Variants in EYS observed in about 807,000 individuals in gnomAD.
EYS encodes EGF-like photoreceptor maintenance factor.
In EYS, 250 loss-of-function variants were observed where a neutral mutation model predicts 282.1. The observed-to-expected ratio is 0.89, with a 90% confidence interval of 0.80 to 0.98. The LOEUF (loss-of-function observed/expected upper bound fraction) is 0.98. Among genes scored for constraint, EYS ranks in the 50% least tolerant of loss-of-function variants. EYS has a pLI of 0.00. For synonymous variants in EYS, 1,355 were observed against 1,282.9 expected, an observed-to-expected ratio of 1.06 and a Z score of -1.20; for missense variants, 4,016 against 3,709.0, an observed-to-expected ratio of 1.08 and a Z score of -2.15.
chr6:65,017,563 A>T (rs1018987992), intron 13 of EYS, among the ~76,000 whole-genome samples: 6 of 152,226 alleles, frequency 3.9e-5, no homozygotes, highest in Non-Finnish European at 8.8e-5. Context: ...CGCCAGTATC[A>T]GCTAAGCTGG....
intron 24 of EYS, among the ~76,000 whole-genome samples, chr6:64,614,866 C>T (rs148022988): frequency 8.5e-4 from 129 of 152,184 alleles, no homozygotes; most frequent in African/African-American, 2.0e-3. Flanking sequence ...ATGTCACTCT[C>T]GTACAATCAT....
intron 29 of EYS, among the ~76,000 whole-genome samples, chr6:64,351,531 TATAG>T (rs922253581): frequency 2.6e-5 from 4 of 151,560 alleles, no homozygotes; most frequent in Non-Finnish European, 4.4e-5. Context: ...ACTATCCGCC[TATAG>T]ATAGATAGCT....
intron 31 of EYS, among the ~76,000 whole-genome samples, chr6:64,088,535 C>T (rs1176255762): frequency 6.6e-6 from 1 of 151,486 alleles, no homozygotes; most frequent in Non-Finnish European, 1.5e-5. Flanking sequence ...CTTTTAAGTT[C>T]CTAAATTATA....
chr6:64,679,787 G>A (rs1056512536), intron 22 of EYS, among the ~76,000 whole-genome samples: 20 of 152,016 alleles, frequency 1.3e-4, no homozygotes, highest in African/African-American at 3.4e-4. Context: ...TGAGATAAGC[G>A]TATTTTCACA....
At chr6:64,321,989 A>G (rs1345571291) in intron 29 of EYS, among the ~76,000 whole-genome samples, 1 of 151,972 alleles carries the variant, frequency 6.6e-6, no homozygotes, top group Non-Finnish European at 1.5e-5. Flanking sequence ...ATGTGGTTCA[A>G]GTGGACATAG....
At chr6:65,479,743 G>T (rs1355118914) in intron 5 of EYS, among the ~76,000 whole-genome samples, 1 of 152,064 alleles carries the variant, frequency 6.6e-6, no homozygotes, top group Non-Finnish European at 1.5e-5. Context: ...AATTCTTTGG[G>T]ATTTTGGAAC....
At position 65,565,969 on chromosome 6, in the gene EYS, T is replaced by A. The variant is rs184624074; in HGVS notation, c.-332-69976A>T. 2.7e-5 allele frequency among the ~76,000 whole-genome samples: 4 copies of A among 150,852 alleles called. No individual in the cohort carries two copies. The Admixed American group carries it at 2.7e-4, about 10-fold the overall frequency. ...GTTGTGGGGTGGGGGGCTAGAGGAG[T>A]GATAGCATTCAGAGAAATACCTAAT... On this transcript the variant is annotated intron_variant, in intron 2 of 42. Transcript: ENST00000503581.
At chr6:63,887,312 G>GGGT (rs1773284676) in intron 35 of EYS, among the ~76,000 whole-genome samples, 2 of 85,834 alleles carry the variant, frequency 2.3e-5, no homozygotes, top group Non-Finnish European at 4.6e-5. Context: ...GGAATAAAAG[G>GGGT]TGTTTTTTTT....
rs769240399 is a variant in EYS, at chr6:64,864,385, CTTTTTTTTT to C, written c.2992+22303_2992+22311del. On this transcript the variant is annotated intron_variant, in intron 19 of 42. Coordinates refer to ENST00000503581, the MANE Select transcript of EYS (RefSeq NM_001142800.2). ...GAGAAATACAGAGGTGCTATACCTT[CTTTTTTTTT>C]TTTTTTTTTTTTGACAGAATCTTGC... 1.2e-4 allele frequency among the ~76,000 whole-genome samples: 7 copies of C among 57,166 alleles called. No homozygotes were observed. The Admixed American group carries it at 1.5e-3, about 12-fold the overall frequency. The allele number at this position is 57,166 out of a possible 152,430, so 37.5% of individuals were successfully genotyped here. A position where few individuals can be genotyped will look rare whatever the true frequency, so the allele number is the denominator to read the frequency against.
At chr6:65,176,495 AT>A (rs998761868) in intron 12 of EYS, among the ~76,000 whole-genome samples, 88 of 151,760 alleles carry the variant, frequency 5.8e-4, no homozygotes, top group African/African-American at 1.8e-3. Context: ...ATGACATTTT[AT>A]TTAAAAAAAA....
At chr6:65,415,757 T>C (rs1297049835) in intron 5 of EYS, among the ~76,000 whole-genome samples, 1 of 151,982 alleles carries the variant, frequency 6.6e-6, no homozygotes, top group Non-Finnish European at 1.5e-5. Flanking sequence ...TGAAGTCTAA[T>C]GAAAGGGGTG....
chr6:65,407,976 T>A (rs1766827178), intron 5 of EYS, among the ~76,000 whole-genome samples: 1 of 152,086 alleles, frequency 6.6e-6, no homozygotes, highest in Non-Finnish European at 1.5e-5. Flanking sequence ...TATTTCTAAT[T>A]TGTTGAGAGT....
At chr6:64,105,672 A>T (rs1772986249) in intron 31 of EYS, among the ~76,000 whole-genome samples, 1 of 152,096 alleles carries the variant, frequency 6.6e-6, no homozygotes, top group African/African-American at 2.4e-5. Context: ...AATGCCAGGC[A>T]GTTGAACTTA....
chr6:64,036,560 T>C (rs1770131764), intron 33 of EYS, among the ~76,000 whole-genome samples: 1 of 152,228 alleles, frequency 6.6e-6, no homozygotes, highest in South Asian at 2.1e-4. Context: ...AAGGAGACCA[T>C]TGAGGAGCTA....
At chr6:64,907,217 C>A (rs567788329) in intron 16 of EYS, among the ~76,000 whole-genome samples, 47 of 152,186 alleles carry the variant, frequency 3.1e-4, no homozygotes, top group Middle Eastern at 3.4e-3. Flanking sequence ...CCACGCACTG[C>A]TAATTTTTTT....
chr6:64,842,359 C>T (rs1765587924), intron 19 of EYS, among the ~76,000 whole-genome samples: 1 of 151,428 alleles, frequency 6.6e-6, no homozygotes, highest in Non-Finnish European at 1.5e-5. Context: ...TCTGTGAGTC[C>T]CCACCCGAAT....
chr6:65,002,397 C>T (rs1771494291), intron 13 of EYS, among the ~76,000 whole-genome samples: 1 of 147,356 alleles, frequency 6.8e-6, no homozygotes, highest in Non-Finnish European at 1.5e-5. Context: ...GTCCACAGAA[C>T]TGTTTTGCTC....
chr6:64,827,365 A>G (rs1009737924), intron 19 of EYS, among the ~76,000 whole-genome samples: 7 of 151,748 alleles, frequency 4.6e-5, no homozygotes, highest in Non-Finnish European at 7.4e-5. Flanking sequence ...TTTAGGGTTT[A>G]TTTATTTGAA....
chr6:64,081,232 CA>C (rs1771954982), intron 32 of EYS, among the ~76,000 whole-genome samples: 1 of 152,066 alleles, frequency 6.6e-6, no homozygotes, highest in Admixed American at 6.5e-5. Flanking sequence ...AAAGAGAAAA[CA>C]ATTGTCAAAT....
Sources: gnomAD v4.1 joint callset for allele counts (sites outside exome capture counted in the v4.1 genomes callset) on GRCh38, gnomAD v4.1.1 for gene constraint, MANE v1.5 for transcripts, NCBI Gene and HGNC (gene_info 2026-07-23, HGNC 2026-07-21) for gene names.